Variants in ADGRL3 observed in about 807,000 individuals in gnomAD.
ADGRL3 encodes the protein adhesion G protein-coupled receptor L3, also known as calcium-independent alpha-latrotoxin receptor 3.
ADGRL3 carries 62 observed loss-of-function variants against 153.5 expected under a neutral mutation model. The ratio of observed to expected loss-of-function variants is 0.40; its 90% CI spans 0.33 to 0.50. ADGRL3 has a LOEUF of 0.50. Among genes scored for constraint, ADGRL3 ranks in the 20% least tolerant of loss-of-function variants. The pLI is 0.47. For synonymous variants in ADGRL3, 710 were observed against 672.5 expected, an observed-to-expected ratio of 1.06 and a Z score of -0.86; for missense variants, 1,641 against 1,859.4, an observed-to-expected ratio of 0.88 and a Z score of 2.16.
rs1400074137 is a variant in ADGRL3 at position 62,025,591 on chromosome 4, G to A, written c.3396-3264G>A. Reference sequence around the variant, plus strand: ...CTGAATCTTCTTAGTCCTCAGTTTGGAGGCCTCGTTGTTGATTGAGGAAAA... The same window carrying A: ...CTGAATCTTCTTAGTCCTCAGTTTGAAGGCCTCGTTGTTGATTGAGGAAAA... On this transcript the variant is annotated intron_variant, in intron 21 of 26. Transcript: ENST00000683033. 2.6e-5 allele frequency among the ~76,000 whole-genome samples: 4 copies of A among 152,094 alleles called. No individual in the cohort carries two copies. The East Asian group carries it at 7.7e-4, about 29-fold the overall frequency.
At chr4:61,542,907 A>G (rs2098696863) in intron 4 of ADGRL3, among the ~76,000 whole-genome samples, 1 of 152,072 alleles carries the variant, frequency 6.6e-6, no homozygotes, top group Non-Finnish European at 1.5e-5. Flanking sequence ...TACAATGTTT[A>G]TTTCCTCTAC....
chr4:61,549,420 C>G (rs972599630), intron 4 of ADGRL3, among the ~76,000 whole-genome samples: 2 of 151,982 alleles, frequency 1.3e-5, no homozygotes, highest in African/African-American at 4.8e-5. Context: ...ATGCTTTCAG[C>G]TTTTGCCCAA....
At chr4:62,045,590 G>T (rs1730688392) in intron 25 of ADGRL3, among the ~76,000 whole-genome samples, 1 of 151,866 alleles carries the variant, frequency 6.6e-6, no homozygotes, top group African/African-American at 2.4e-5. Flanking sequence ...TCAATTATTT[G>T]TACTCAAGTA....
At chr4:61,744,073 C>A (rs984909281) in intron 8 of ADGRL3, among the ~76,000 whole-genome samples, 1 of 152,190 alleles carries the variant, frequency 6.6e-6, no homozygotes, top group Non-Finnish European at 1.5e-5. Flanking sequence ...CCGCACCTGG[C>A]TCGGAGGGTC....
intron 13 of ADGRL3, among the ~76,000 whole-genome samples, chr4:61,926,611 A>G (rs756895412): frequency 1.1e-4 from 16 of 152,200 alleles, no homozygotes; most frequent in Non-Finnish European, 1.8e-4. Context: ...TTCTCACTGT[A>G]AGATGAAGAT....
At chr4:62,051,798 T>G (rs1310292781) in intron 25 of ADGRL3, among the ~76,000 whole-genome samples, 1 of 151,824 alleles carries the variant, frequency 6.6e-6, no homozygotes, top group East Asian at 1.9e-4. Flanking sequence ...CAAGCTTCAG[T>G]GAGCTACCTT....
chr4:61,550,659 A>T (rs758797589), intron 4 of ADGRL3, among the ~76,000 whole-genome samples: 11 of 27,668 alleles, frequency 4.0e-4, no homozygotes, highest in Non-Finnish European at 7.9e-4. Flanking sequence ...AGATTTTCTT[A>T]AAAAAATTAT....
intron 4 of ADGRL3, among the ~76,000 whole-genome samples, chr4:61,582,118 C>A (rs1443958762): frequency 6.6e-6 from 1 of 151,930 alleles, no homozygotes; most frequent in African/African-American, 2.4e-5. Context: ...ACAAATAGGG[C>A]AGTCTGAAGA....
At chr4:61,375,761 A>G (rs1384651321) in intron 1 of ADGRL3, among the ~76,000 whole-genome samples, 5 of 152,152 alleles carry the variant, frequency 3.3e-5, no homozygotes, top group Non-Finnish European at 4.4e-5. Flanking sequence ...AGGGGTCTAT[A>G]TGTTCTCTTT....
chr4:61,904,441 C>T (rs1228317208), intron 11 of ADGRL3, among the ~76,000 whole-genome samples: 2 of 152,040 alleles, frequency 1.3e-5, no homozygotes, highest in Non-Finnish European at 2.9e-5. Context: ...GAGCCATTCG[C>T]CTGGCCTTCT....
At chr4:61,206,839 G>T (rs1017894953) in intron 1 of ADGRL3, among the ~76,000 whole-genome samples, 1 of 151,774 alleles carries the variant, frequency 6.6e-6, no homozygotes, top group African/African-American at 2.4e-5. Context: ...AAAATTAGCC[G>T]GGCATGGTGG....
chr4:61,753,447 C>T (rs2096781957), intron 8 of ADGRL3, among the ~76,000 whole-genome samples: 1 of 152,114 alleles, frequency 6.6e-6, no homozygotes, highest in South Asian at 2.1e-4. Context: ...CTTCTCAGAG[C>T]ATAGTATGGA....
At chr4:62,066,042 G>A (rs1742828284) in intron 25 of ADGRL3, among the ~76,000 whole-genome samples, 2 of 151,908 alleles carry the variant, frequency 1.3e-5, no homozygotes, top group African/African-American at 4.8e-5. Context: ...CTTTATTAAT[G>A]TTTTCCAGAG....
At position 62,031,498 on chromosome 4, in the gene ADGRL3, T is replaced by C; in HGVS notation, c.3479T>C (p.Phe1160Ser). Residue 1160 changes from phenylalanine to serine, a missense_variant, in exon 23 of 27, where the codon TTT (phenylalanine) becomes TCT (serine). This residue lies in a region of ADGRL3 where 517 missense variants were observed against 555.0 expected (regional missense o/e 0.93). Coordinates refer to ENST00000683033, the MANE Select transcript of ADGRL3 (RefSeq NM_001387552.1). The part of the protein sequence containing the change: ...LLCLLGLTWA[F>S]GLMYINESTV... ...TGCCTATTAGGATTGACCTGGGCCT[T>C]TGGACTCATGTATATTAATGAAAGC... 1.2e-6 allele frequency: 2 copies of C among 1,611,104 alleles called. No individual in the cohort carries two copies. The highest frequency in any genetic ancestry group is 1.7e-6 in the Non-Finnish European group (2 of 1,177,866).
intron 2 of ADGRL3, among the ~76,000 whole-genome samples, chr4:61,480,475 A>T (rs1202904162): frequency 3.3e-5 from 5 of 152,190 alleles, no homozygotes; most frequent in Non-Finnish European, 4.4e-5. Context: ...ATAGCAAAAA[A>T]AAATTAAATA....
chr4:61,734,339 T>G (rs1232245376), intron 8 of ADGRL3, among the ~76,000 whole-genome samples: 1 of 152,138 alleles, frequency 6.6e-6, no homozygotes, highest in African/African-American at 2.4e-5. Context: ...ATTCTCACAC[T>G]GCTGTAAAGA....
At chr4:61,552,968 C>T (rs1373715815) in intron 4 of ADGRL3, among the ~76,000 whole-genome samples, 5 of 152,012 alleles carry the variant, frequency 3.3e-5, no homozygotes, top group East Asian at 3.9e-4. Flanking sequence ...TGGTGAGTTC[C>T]GGGAAACAAA....
chr4:61,613,498 C>A (rs1257754491), intron 5 of ADGRL3, among the ~76,000 whole-genome samples: 4 of 152,134 alleles, frequency 2.6e-5, no homozygotes, highest in Non-Finnish European at 5.9e-5. Flanking sequence ...AATCCCACCA[C>A]TTTGGGAGGC....
intron 1 of ADGRL3, among the ~76,000 whole-genome samples, chr4:61,376,915 C>T (rs1256799702): frequency 6.6e-6 from 1 of 152,072 alleles, no homozygotes; most frequent in African/African-American, 2.4e-5. Context: ...CTTTGGGTAG[C>T]TTTTGATACT....
Sources: allele counts gnomAD v4.1 joint callset (sites outside exome capture counted in the v4.1 genomes callset), GRCh38; gene constraint gnomAD v4.1.1; regional missense constraint gnomAD v4.1.1; transcripts MANE v1.5; gene names NCBI Gene and HGNC (gene_info 2026-07-23, HGNC 2026-07-21).